EPC2: variants seen among roughly 807,000 people sequenced by gnomAD.
The protein encoded by EPC2 is enhancer of polycomb 2.
EPC2 carries 14 observed loss-of-function variants against 92.1 expected under a neutral mutation model. The ratio of observed to expected loss-of-function variants is 0.15; its 90% CI spans 0.10 to 0.24. The LOEUF (loss-of-function observed/expected upper bound fraction) is 0.24, where lower values mean the gene tolerates loss of function less well. Ranked by LOEUF, EPC2 falls within the 10% of genes least tolerant of loss-of-function variation. EPC2 has a pLI of 1.00. For synonymous variants in EPC2, 340 were observed against 334.7 expected, an observed-to-expected ratio of 1.02 and a Z score of -0.17; for missense variants, 755 against 971.5, an observed-to-expected ratio of 0.78 and a Z score of 2.96.
intron 2 of EPC2, among the ~76,000 whole-genome samples, chr2:148,710,695 A>C (rs967972767): frequency 6.6e-6 from 1 of 152,218 alleles, no homozygotes; most frequent in African/African-American, 2.4e-5. Flanking sequence ...TGTCCTTTGT[A>C]GGGACATGGA....
intron 12 of EPC2, 47 bp from the exon 13 acceptor site, chr2:148,784,621 G>A (rs990862396): frequency 1.5e-6 from 2 of 1,298,680 alleles, no homozygotes; most frequent in Non-Finnish European, 2.1e-6. Flanking sequence ...AAAAATAGTT[G>A]TATTGATGTC....
At chr2:148,780,878 G>A (rs926531147) in intron 10 of EPC2, among the ~76,000 whole-genome samples, 3 of 152,050 alleles carry the variant, frequency 2.0e-5, no homozygotes, top group African/African-American at 7.2e-5. Context: ...AAATATCAAC[G>A]AATGAAATTT....
chr2:148,683,101 A>G (rs1405371084), intron 1 of EPC2, among the ~76,000 whole-genome samples: 2 of 150,710 alleles, frequency 1.3e-5, no homozygotes, highest in Non-Finnish European at 2.9e-5. Context: ...TAATTTCAAT[A>G]GCTTTGGGGA....
chr2:148,758,225 TGTAA>T (rs1350198222), intron 4 of EPC2, among the ~76,000 whole-genome samples: 1 of 152,158 alleles, frequency 6.6e-6, no homozygotes, highest in African/African-American at 2.4e-5. Flanking sequence ...TTTCCAAAGC[TGTAA>T]GTGTTGGCAG....
chr2:148,670,845 C>T (rs1196427296), intron 1 of EPC2, among the ~76,000 whole-genome samples: 1 of 151,992 alleles, frequency 6.6e-6, no homozygotes, highest in Non-Finnish European at 1.5e-5. Flanking sequence ...TGGCACGTGC[C>T]ACCTATTTTT....
At chr2:148,733,200 G>T (rs1193120067) in intron 2 of EPC2, among the ~76,000 whole-genome samples, 1 of 151,782 alleles carries the variant, frequency 6.6e-6, no homozygotes, top group African/African-American at 2.4e-5. Context: ...TGATGAAGCT[G>T]GAGAGAGGGC....
At chr2:148,752,580 A>G (rs1683100543) in intron 3 of EPC2, among the ~76,000 whole-genome samples, 1 of 152,178 alleles carries the variant, frequency 6.6e-6, no homozygotes, top group African/African-American at 2.4e-5. Context: ...GAGATTGGGT[A>G]ACCATAGAAT....
At chr2:148,689,055 T>C (rs1681588824) in intron 1 of EPC2, among the ~76,000 whole-genome samples, 1 of 151,752 alleles carries the variant, frequency 6.6e-6, no homozygotes, top group African/African-American at 2.4e-5. Flanking sequence ...TGGAAGCAAT[T>C]TTGAAAGCAG....
intron 3 of EPC2, among the ~76,000 whole-genome samples, chr2:148,753,563 T>G (rs1229138368): frequency 6.6e-6 from 1 of 152,156 alleles, no homozygotes; most frequent in Non-Finnish European, 1.5e-5. Flanking sequence ...CTATTAGACT[T>G]GAAAACTGAT....
At chr2:148,738,170 T>A (rs546687359) in intron 2 of EPC2, among the ~76,000 whole-genome samples, 1 of 152,210 alleles carries the variant, frequency 6.6e-6, no homozygotes, top group Non-Finnish European at 1.5e-5. Flanking sequence ...TTTGTTTTAA[T>A]GGGATTTTGA....
intron 2 of EPC2, among the ~76,000 whole-genome samples, chr2:148,706,066 G>C (rs1005230345): frequency 1.3e-5 from 2 of 152,156 alleles, no homozygotes; most frequent in African/African-American, 2.4e-5. Context: ...GCTAAAGGAA[G>C]ATGTTTGAAC....
intron 2 of EPC2, among the ~76,000 whole-genome samples, chr2:148,710,795 A>T (rs1574597504): frequency 6.6e-6 from 1 of 152,146 alleles, no homozygotes; most frequent in Non-Finnish European, 1.5e-5. Flanking sequence ...GAATTGAACA[A>T]TGGGAACACT....
chr2:148,661,216 G>C (rs1680926127), intron 1 of EPC2, among the ~76,000 whole-genome samples: 1 of 152,036 alleles, frequency 6.6e-6, no homozygotes, highest in Non-Finnish European at 1.5e-5. Context: ...CTCTTCATTT[G>C]TCAAAGTCTA....
Position 148,644,898 on chromosome 2 carries a change from G to C in EPC2, c.-120G>C. 1.2e-6 allele frequency: 1 copy of C among 848,304 alleles called. No homozygotes were observed. Among genetic ancestry groups the C allele is most frequent in the Non-Finnish European group, 1.8e-6 (1 of 545,820 alleles). The allele number at this position is 848,304 out of a possible 1,614,324, so 52.5% of individuals were successfully genotyped here. A position where few individuals can be genotyped will look rare whatever the true frequency, so the allele number is the denominator to read the frequency against. ...TGTGGCCGGGGGCAGTGAGGAGGAGGAGGAGCGGGCCGGCCGCGCTGCACT... is the reference window on the plus strand; with the variant it reads ...TGTGGCCGGGGGCAGTGAGGAGGAGCAGGAGCGGGCCGGCCGCGCTGCACT... On this transcript the variant is annotated 5_prime_UTR_variant, in exon 1 of 14. Coordinates refer to ENST00000258484, the MANE Select transcript of EPC2 (RefSeq NM_015630.4).
At chr2:148,690,415 T>G in intron 2 of EPC2, 42 bp downstream of exon 2, 1 of 1,513,012 alleles carries the variant, frequency 6.6e-7, no homozygotes, top group African/African-American at 1.4e-5. Context: ...TACTTTAAAT[T>G]TATCAACCAG....
intron 3 of EPC2, among the ~76,000 whole-genome samples, chr2:148,744,747 A>G (rs1682948299): frequency 6.6e-6 from 1 of 152,132 alleles, no homozygotes; most frequent in South Asian, 2.1e-4. Context: ...TAAACTTTTT[A>G]AACATAAGTT....
At chr2:148,701,979 A>G (rs568238426) in intron 2 of EPC2, among the ~76,000 whole-genome samples, 2 of 152,134 alleles carry the variant, frequency 1.3e-5, no homozygotes, top group Non-Finnish European at 2.9e-5. Context: ...TAAGTTGTCA[A>G]TTTATGGCCA....
At chr2:148,784,154 C>T (rs1264835908) in intron 12 of EPC2, among the ~76,000 whole-genome samples, 1 of 152,232 alleles carries the variant, frequency 6.6e-6, no homozygotes, top group Non-Finnish European at 1.5e-5. Flanking sequence ...ACATACTGCT[C>T]ATAGGCATAC....
chr2:148,669,759 T>C (rs1051311726), intron 1 of EPC2, among the ~76,000 whole-genome samples: 1 of 152,192 alleles, frequency 6.6e-6, no homozygotes, highest in African/African-American at 2.4e-5. Flanking sequence ...TTTGCTCTTT[T>C]AATTTGTTAG....
Sources: gnomAD v4.1 joint callset for allele counts (sites outside exome capture counted in the v4.1 genomes callset) on GRCh38, gnomAD v4.1.1 for gene constraint, MANE v1.5 for transcripts, NCBI Gene and HGNC (gene_info 2026-07-23, HGNC 2026-07-21) for gene names.